Variants in HIP1R observed in about 807,000 individuals in gnomAD.
HIP1R encodes huntingtin-interacting protein 1-related protein.
HIP1R carries 135 observed loss-of-function variants against 144.2 expected under a neutral mutation model. The ratio of observed to expected loss-of-function variants is 0.94; its 90% CI spans 0.81 to 1.08. HIP1R has a LOEUF of 1.08. Among genes scored for constraint, HIP1R ranks in the 50% least tolerant of loss-of-function variants. The probability of loss-of-function intolerance (pLI) is 0.00; values close to 1 mark genes in which losing one functional copy is unlikely to be tolerated. For missense variants in HIP1R, 1,462 were observed against 1,432.8 expected, an observed-to-expected ratio of 1.02 and a Z score of -0.33; for synonymous variants, 698 against 612.8, an observed-to-expected ratio of 1.14 and a Z score of -2.05.
At chr12:122,860,325 C>G in intron 26 of HIP1R, 98 bp from the exon 27 acceptor site, 1 of 1,555,890 alleles carries the variant, frequency 6.4e-7, no homozygotes, top group Non-Finnish European at 8.8e-7. Flanking sequence ...GGGATGCGCC[C>G]TATGGCCAGA....
rs1367067174 is a variant in HIP1R at position 122,862,894 on chromosome 12, CT to C, written c.*1144del. ...AAATGAGCCAGCACCAGCGCCTTGG[CT>C]TTGTGTTAGCATTTCCTCCTGAAGT... On this transcript the variant is annotated 3_prime_UTR_variant, in exon 32 of 32. Transcript: ENST00000253083. The C allele has an allele frequency of 6.6e-6, 1 of 152,172 alleles. No individual in the cohort carries two copies. Among genetic ancestry groups the C allele is most frequent in the African/African-American group, 2.4e-5 (1 of 41,424 alleles). 9.4% of individuals were successfully genotyped at this position (152,172 alleles called of 1,614,324 possible). A position where few individuals can be genotyped will look rare whatever the true frequency, so the allele number is the denominator to read the frequency against.
intron 1 of HIP1R, among the ~76,000 whole-genome samples, chr12:122,842,051 G>C (rs10847864): frequency 6.6e-6 from 1 of 151,998 alleles, no homozygotes; most frequent in African/African-American, 2.4e-5. Flanking sequence ...GCTGCTTTGC[G>C]TGTGGCCATA....
At chr12:122,854,291 T>C (rs1386936026) in intron 8 of HIP1R, 108 bp downstream of exon 8, 6 of 895,792 alleles carry the variant, frequency 6.7e-6, no homozygotes, top group Non-Finnish European at 9.4e-6. Flanking sequence ...CATTTAAAAA[T>C]GGCAGTAATA....
intron 1 of HIP1R, among the ~76,000 whole-genome samples, chr12:122,839,338 G>C (rs999731987): frequency 6.6e-6 from 1 of 152,264 alleles, no homozygotes; most frequent in Non-Finnish European, 1.5e-5. Flanking sequence ...TAGGATGAGA[G>C]AAACCCTTTA....
chr12:122,859,382 G>C (rs1475519756), intron 22 of HIP1R, 44 bp from the exon 23 acceptor site: 18 of 1,552,472 alleles, frequency 1.2e-5, no homozygotes, highest in Middle Eastern at 3.4e-4. Flanking sequence ...CCGTGGGACG[G>C]GGGGGGACGG....
chr12:122,847,995 C>G (rs2033260086), intron 1 of HIP1R, 36 bp from the exon 2 acceptor site: 1 of 1,610,612 alleles, frequency 6.2e-7, no homozygotes, highest in Non-Finnish European at 8.5e-7. Context: ...GGGTGGCTGC[C>G]TGGGGCTCTA....
chr12:122,840,192 C>A lies in HIP1R; in HGVS notation c.93+4549C>A, dbSNP rs900625815. 6.6e-6 allele frequency among the ~76,000 whole-genome samples: 1 copy of A among 152,240 alleles called. No individual in the cohort carries two copies. The highest frequency in any genetic ancestry group is 2.4e-5 in the African/African-American group (1 of 41,466). ...AGCTATTCCAGAGGCTGTTCTTGGTCCAGGTTGGGGTGGGAAGGGGCCACC... is the reference window on the plus strand; with the variant it reads ...AGCTATTCCAGAGGCTGTTCTTGGTACAGGTTGGGGTGGGAAGGGGCCACC... On this transcript the variant is annotated intron_variant, in intron 1 of 31. Transcript: ENST00000253083. This position sits in a 1 kb window ranked among gnomAD's most constrained non-coding sequence, Gnocchi z 4.2.
chr12:122,860,484 C>A lies in HIP1R; in HGVS notation c.2621C>A (p.Ser874Ter). The A allele has an allele frequency of 6.2e-7, 1 of 1,613,162 alleles. No individual in the cohort carries two copies. The highest frequency in any genetic ancestry group is 8.5e-7 in the Non-Finnish European group (1 of 1,179,958). The stretch of plus-strand genomic sequence containing the variant: ...TCGCGCTGGACCGAAGGCCTCATCT[C>A]GGCCTCCAAGGCTGTGGGCTGGGGA... The part of the protein sequence containing the change: ...KNSRWTEGLI[S>*]ASKAVGWGAT... Residue 874 changes from serine to a stop codon, truncating the protein, a stop_gained, in exon 27 of 32, where the codon TCG becomes TAG. Transcript: ENST00000253083. LOFTEE classifies it high-confidence loss of function.
chr12:122,855,746 C>G, intron 12 of HIP1R, 85 bp from the exon 13 acceptor site: 3 of 1,508,688 alleles, frequency 2.0e-6, no homozygotes, highest in Non-Finnish European at 2.7e-6. Flanking sequence ...TCCTGAGTGG[C>G]CACTGAGGAG....
intron 27 of HIP1R, 68 bp downstream of exon 27, chr12:122,860,591 CAG>C: frequency 6.4e-7 from 1 of 1,564,360 alleles, no homozygotes. Context: ...TGGGGTTCAA[CAG>C]GGTGCAGGGA....
In HIP1R at chr12:122,849,854, AC is replaced by A; in HGVS notation, c.358-18del. ...ACGTGTTCACGAGCCGTGGCCCCTC[AC>A]CCTGTCTGTCTTCACACAGGGACAT... On this transcript the variant is annotated intron_variant, in intron 4 of 31. Coordinates refer to ENST00000253083, the MANE Select transcript of HIP1R (RefSeq NM_003959.3). 1 of 1,590,716 alleles carries A rather than the reference AC, an allele frequency of 6.3e-7. No homozygotes were observed.
upstream of HIP1R, chr12:122,835,111 C>A (rs1483503559): frequency 1.1e-6 from 1 of 875,656 alleles, no homozygotes; most frequent in Admixed American, 2.8e-5. Flanking sequence ...CCCTCCCCTC[C>A]GGGTTTAGGG....
Position 122,861,040 on chromosome 12 carries a change from G to T in HIP1R, c.2890+1G>T. 6.2e-7 allele frequency: 1 copy of T among 1,613,700 alleles called. No individual in the cohort carries two copies. The highest frequency in any genetic ancestry group is 1.3e-5 in the African/African-American group (1 of 75,072). On this transcript the variant is annotated splice_donor_variant, in intron 29 of 31. Transcript: ENST00000253083. LOFTEE classifies it high-confidence loss of function. ...GGCCAGGAGCAGATTGAGGACAGAG[G>T]TGAGTGCCAGATGCCAACGGGGGCT...
chr12:122,847,094 C>T (rs917410454), intron 1 of HIP1R, among the ~76,000 whole-genome samples: 6 of 152,206 alleles, frequency 3.9e-5, no homozygotes, highest in East Asian at 1.9e-4. Context: ...GAGGCCCTGT[C>T]CCTCCCGCCC....
Position 122,861,167 on chromosome 12 carries a change from TGAA to T in HIP1R, c.2932_2934del (p.Lys978del). 1 of 1,611,442 alleles carries T rather than the reference TGAA, an allele frequency of 6.2e-7. No homozygotes were observed. The highest frequency in any genetic ancestry group is 8.5e-7 in the Non-Finnish European group (1 of 1,179,632). On this transcript the variant is annotated inframe_deletion, in exon 30 of 32. Coordinates refer to ENST00000253083, the MANE Select transcript of HIP1R (RefSeq NM_003959.3). Reference sequence around the variant, plus strand: ...TTCTCCGGCCTGTCCCTCATCAAGCTGAAGAAGCAGGAGATGGAGACCCAGGTA... The same window carrying T: ...TTCTCCGGCCTGTCCCTCATCAAGCTGAAGCAGGAGATGGAGACCCAGGTA...
At chr12:122,858,302 C>T (rs2033657578) in intron 19 of HIP1R, 47 bp from the exon 20 acceptor site, 1 of 1,589,594 alleles carries the variant, frequency 6.3e-7, no homozygotes, top group African/African-American at 1.3e-5. Flanking sequence ...CCATCCCCAG[C>T]CCTGAGCAGC....
intron 22 of HIP1R, 59 bp from the exon 23 acceptor site, chr12:122,859,367 G>A: frequency 6.6e-7 from 1 of 1,526,254 alleles, no homozygotes; most frequent in Non-Finnish European, 9.0e-7. Flanking sequence ...TCTTTCCCAG[G>A]CTGCCCGTGG....
rs144448351 is a variant in HIP1R at position 122,856,089 on chromosome 12, G to T, written c.1238G>T (p.Arg413Leu). The change falls in exon 14 of 32, where the codon CGC (arginine) becomes CTC (leucine). Residue 413 changes from arginine (R) to leucine (L), a missense_variant. Arg to Leu is a moderately radical substitution (Grantham distance 102, BLOSUM62 -2). Around this residue, in one of 2 missense-constraint regions of HIP1R, gnomAD observed 1,112 missense variants for 1,011.7 expected, o/e 1.10. Transcript: ENST00000253083. ...GCCCTGGTGGATAATGAGCAGCTCC[G>T]CCACGAGCTGGCCCAGCTGAGGGCT... ...QKALVDNEQLRHELAQLRAAQ... is the reference protein window; with the variant it reads ...QKALVDNEQLLHELAQLRAAQ... 67 of 1,585,058 alleles carry T rather than the reference G, an allele frequency of 4.2e-5. No individual in the cohort carries two copies. The East Asian group carries it at 1.5e-3, about 36-fold the overall frequency.
chr12:122,861,312 G>T lies in HIP1R; in HGVS notation c.2957G>T (p.Arg986Leu). 1.2e-6 allele frequency: 2 copies of T among 1,613,660 alleles called. No homozygotes were observed. The highest frequency in any genetic ancestry group is 2.2e-5 in the East Asian group (1 of 44,846). Residue 986 changes from arginine (R) to leucine (L), a missense_variant, in exon 31 of 32, where the codon CGT becomes CTT. Arg to Leu is a moderately radical substitution (Grantham distance 102, BLOSUM62 -2). Transcript: ENST00000253083. The part of the protein sequence containing the change: ...LKKQEMETQV[R>L]VLELEKTLEA... ...GAGCAGGCCGTGTGGCTACAGGTGCGTGTCCTGGAGCTGGAGAAGACGCTG... is the reference window on the plus strand; with the variant it reads ...GAGCAGGCCGTGTGGCTACAGGTGCTTGTCCTGGAGCTGGAGAAGACGCTG...
Sources: gnomAD v4.1 joint callset for allele counts (sites outside exome capture counted in the v4.1 genomes callset) on GRCh38, gnomAD v4.1.1 for gene constraint, gnomAD v4.1.1 regional missense constraint, Gnocchi (gnomAD v3.1) non-coding constraint, MANE v1.5 for transcripts, NCBI Gene and HGNC (gene_info 2026-07-23, HGNC 2026-07-21) for gene names.